The following UNC13C variants were observed in gnomAD, a reference collection of about 807,000 sequenced individuals.
UNC13C encodes the protein unc-13 homolog C.
Under a neutral mutation model 245.4 loss-of-function variants are expected in UNC13C, and 174 were observed. The ratio of observed to expected loss-of-function variants is 0.71; its 90% CI spans 0.63 to 0.80. UNC13C has a LOEUF of 0.80. UNC13C is among the 30% of genes least tolerant of loss of function. The pLI is 0.00. For synonymous variants in UNC13C, 992 were observed against 895.1 expected, an observed-to-expected ratio of 1.11 and a Z score of -1.93; for missense variants, 2,829 against 2,602.9, an observed-to-expected ratio of 1.09 and a Z score of -1.89.
chr15:54,176,495 C>A (rs2033620595), intron 4 of UNC13C, among the ~76,000 whole-genome samples: 1 of 152,056 alleles, frequency 6.6e-6, no homozygotes, highest in Admixed American at 6.6e-5. Flanking sequence ...CCCTGTCTAA[C>A]CCTTATGATA....
intron 11 of UNC13C, among the ~76,000 whole-genome samples, chr15:54,295,286 A>G (rs2037399656): frequency 6.6e-6 from 1 of 152,196 alleles, no homozygotes; most frequent in South Asian, 2.1e-4. Flanking sequence ...ATACGTTAAC[A>G]TATTCTTGGG....
intron 2 of UNC13C, among the ~76,000 whole-genome samples, chr15:54,101,747 A>G: frequency 6.6e-6 from 1 of 151,946 alleles, no homozygotes; most frequent in East Asian, 1.9e-4. Flanking sequence ...CACCGCACCC[A>G]GCTAGTTTTT....
chr15:54,391,502 C>A (rs768563324), intron 17 of UNC13C, among the ~76,000 whole-genome samples: 1 of 151,894 alleles, frequency 6.6e-6, no homozygotes, highest in Non-Finnish European at 1.5e-5. Context: ...CCATTACTTC[C>A]TAAAGATTCA....
chr15:53,974,156 A>C (rs1318173496), upstream of UNC13C, among the ~76,000 whole-genome samples: 1 of 152,212 alleles, frequency 6.6e-6, no homozygotes, highest in East Asian at 1.9e-4. Context: ...AAATGTATGT[A>C]ATAACACTTT....
chr15:54,434,793 A>T (rs1669071971), intron 19 of UNC13C, among the ~76,000 whole-genome samples: 2 of 152,198 alleles, frequency 1.3e-5, no homozygotes, highest in South Asian at 4.1e-4. Flanking sequence ...CAGAGAGAAC[A>T]GACAACCTAC....
intron 2 of UNC13C, among the ~76,000 whole-genome samples, chr15:54,141,757 T>C (rs1351382781): frequency 1.3e-5 from 2 of 152,230 alleles, no homozygotes; most frequent in Non-Finnish European, 2.9e-5. Context: ...ATTATGGCCA[T>C]AAATAAGATT....
At chr15:54,204,974 A>G (rs2034661643) in intron 4 of UNC13C, among the ~76,000 whole-genome samples, 1 of 152,024 alleles carries the variant, frequency 6.6e-6, no homozygotes, top group Non-Finnish European at 1.5e-5. Context: ...TTTTAATTCT[A>G]AAATATGTTT....
At chr15:54,614,255 A>G (rs1208251369) in intron 30 of UNC13C, among the ~76,000 whole-genome samples, 1 of 152,002 alleles carries the variant, frequency 6.6e-6, no homozygotes, top group Non-Finnish European at 1.5e-5. Context: ...CATATTGCAT[A>G]GAACTTGGGT....
At chr15:54,392,949 C>G in intron 17 of UNC13C, 99 bp from the exon 18 acceptor site, 1 of 1,336,290 alleles carries the variant, frequency 7.5e-7, no homozygotes, top group Non-Finnish European at 9.8e-7. Flanking sequence ...GTTTCATTTC[C>G]ACAATCATTT....
the UNC13C span, among the ~76,000 whole-genome samples, chr15:53,853,837 G>A: frequency 6.6e-6 from 1 of 151,870 alleles, no homozygotes; most frequent in East Asian, 1.9e-4. Flanking sequence ...TTTTTAATGG[G>A]GTTGTTTGTT....
chr15:53,967,586 TTTTA>T, the UNC13C span, among the ~76,000 whole-genome samples: 1 of 152,166 alleles, frequency 6.6e-6, no homozygotes, highest in Non-Finnish European at 1.5e-5. Flanking sequence ...TCTCAAGGAC[TTTTA>T]TTTGTTATCT....
chr15:53,954,739 A>G, the UNC13C span, among the ~76,000 whole-genome samples: 6 of 152,292 alleles, frequency 3.9e-5, no homozygotes, highest in Admixed American at 2.6e-4. Flanking sequence ...TTCCCTTAAT[A>G]TTTTGGTTCA....
At chr15:54,419,989 C>T (rs2040604530) in intron 19 of UNC13C, among the ~76,000 whole-genome samples, 1 of 152,000 alleles carries the variant, frequency 6.6e-6, no homozygotes, top group Non-Finnish European at 1.5e-5. Context: ...TTACAACATA[C>T]CCCCTTTCTA....
At chr15:54,451,587 T>G (rs935750023) in intron 19 of UNC13C, among the ~76,000 whole-genome samples, 3 of 152,140 alleles carry the variant, frequency 2.0e-5, no homozygotes, top group African/African-American at 7.2e-5. Context: ...TTCAATGTAT[T>G]CTTCAGTTCC....
chr15:54,416,241 A>G (rs2040518074), intron 19 of UNC13C, among the ~76,000 whole-genome samples: 3 of 152,174 alleles, frequency 2.0e-5, no homozygotes, highest in Admixed American at 2.0e-4. Flanking sequence ...TACAATATGG[A>G]AAATAGGTTG....
rs370925075 is a variant in UNC13C at position 54,178,274 on chromosome 15, TCCTC to T, written c.3071+34597_3071+34600del. On this transcript the variant is annotated intron_variant, in intron 4 of 32. Transcript: ENST00000260323. ...AGGGAACCCCTGTAAAAAGAGGGATTCCTCCCTCCCCATATCTTCTCTCCACATG... is the reference window on the plus strand; with the variant it reads ...AGGGAACCCCTGTAAAAAGAGGGATTCCTCCCCATATCTTCTCTCCACATG... 1.6e-4 allele frequency among the ~76,000 whole-genome samples: 25 copies of T among 151,880 alleles called. No homozygotes were observed. The East Asian group carries it at 3.9e-3, about 24-fold the overall frequency.
intron 19 of UNC13C, among the ~76,000 whole-genome samples, chr15:54,468,660 G>T (rs1399793177): frequency 6.6e-6 from 1 of 151,494 alleles, no homozygotes; most frequent in Non-Finnish European, 1.5e-5. Flanking sequence ...TCATTCTTTT[G>T]CATGTGGCTA....
intron 17 of UNC13C, among the ~76,000 whole-genome samples, chr15:54,360,497 G>T (rs747195718): frequency 2.0e-4 from 30 of 152,028 alleles, no homozygotes; most frequent in South Asian, 1.2e-3. Flanking sequence ...GGTACATATA[G>T]ATTTAAAATT....
rs372833142 is a variant in UNC13C, at chr15:54,585,731, T to C, written c.6106+17784T>C. On this transcript the variant is annotated intron_variant, in intron 30 of 32. Coordinates refer to ENST00000260323, the MANE Select transcript of UNC13C (RefSeq NM_001080534.3). The stretch of plus-strand genomic sequence containing the variant: ...ATTAAACCAGAGTGAGATGCACGTC[T>C]CAGGAAATCAGCTAAGAAATTGCAA... Among the ~76,000 whole-genome samples, 8 of 152,298 alleles carry C rather than the reference T, an allele frequency of 5.3e-5. No individual in the cohort carries two copies. In the South Asian group the frequency reaches 6.2e-4, roughly 12 times the overall value.
Sources: allele counts gnomAD v4.1 joint callset (sites outside exome capture counted in the v4.1 genomes callset), GRCh38; gene constraint gnomAD v4.1.1; transcripts MANE v1.5; gene names NCBI Gene and HGNC (gene_info 2026-07-23, HGNC 2026-07-21).